The following PSMB3 variants were observed in gnomAD, a reference collection of about 807,000 sequenced individuals.
PSMB3 encodes the protein proteasome subunit beta type-3.
A neutral mutation model predicts 23.3 loss-of-function variants in PSMB3; 5 were observed. The ratio of observed to expected loss-of-function variants is 0.21; its 90% CI spans 0.11 to 0.45. The LOEUF is 0.45. Among genes scored for constraint, PSMB3 ranks in the 20% least tolerant of loss-of-function variants. The probability of loss-of-function intolerance (pLI) is 0.99; values close to 1 mark genes in which losing one functional copy is unlikely to be tolerated. For missense variants in PSMB3, 192 were observed against 277.9 expected, an observed-to-expected ratio of 0.69 and a Z score of 2.20; for synonymous variants, 85 against 99.8, an observed-to-expected ratio of 0.85 and a Z score of 0.88.
At chr17:38,756,795 ATC>A (rs1908217082) in intron 3 of PSMB3, among the ~76,000 whole-genome samples, 1 of 151,024 alleles carries the variant, frequency 6.6e-6, no homozygotes, top group Non-Finnish European at 1.5e-5. Context: ...GCCTGGCCTG[ATC>A]TCTTTTTTTT....
intron 2 of PSMB3, among the ~76,000 whole-genome samples, chr17:38,755,606 G>A (rs946166155): frequency 1.4e-5 from 2 of 146,458 alleles, no homozygotes; most frequent in East Asian, 2.0e-4. Flanking sequence ...GACTGACTGC[G>A]CCACTGCACT....
Position 38,762,477 on chromosome 17 carries a change from T to G in PSMB3, c.541T>G (p.Ser181Ala), listed in dbSNP as rs748615764. Residue 181 changes from serine to alanine, a missense_variant, in exon 5 of 6, where the codon TCA becomes GCA. Transcript: ENST00000619426. ...MLNAVDRDAVSGMGVIVHIIE... is the reference protein window; with the variant it reads ...MLNAVDRDAVAGMGVIVHIIE... ...GAATGCTGTGGACCGGGATGCAGTG[T>G]CAGGCATGGGAGTCATTGTCCACAT... is the stretch of plus-strand genomic sequence containing the variant. 2 of 1,614,190 alleles carry G rather than the reference T, an allele frequency of 1.2e-6. No individual in the cohort carries two copies. Among genetic ancestry groups the G allele is most frequent in the Admixed American group, 3.3e-5 (2 of 60,014 alleles).
intron 3 of PSMB3, among the ~76,000 whole-genome samples, chr17:38,758,164 A>G (rs916705330): frequency 1.3e-5 from 2 of 152,168 alleles, no homozygotes; most frequent in Non-Finnish European, 2.9e-5. Context: ...GACATTGCTC[A>G]GGTTTGCAGT....
In PSMB3 at chr17:38,760,464, C is replaced by T. The variant is rs752478547; in HGVS notation, c.330C>T (p.Ala110=). 1.5e-5 allele frequency: 25 copies of T among 1,614,072 alleles called. No homozygotes were observed. The East Asian group carries it at 1.8e-4, about 12-fold the overall frequency. The change falls in exon 4 of 6, where the codon GCC becomes GCT. Residue 110 remains alanine, a synonymous_variant. Coordinates refer to ENST00000619426, the MANE Select transcript of PSMB3 (RefSeq NM_002795.4). ...FGPYYTEPVI[A]GLDPKTFKPF... is the part of the protein sequence containing the mutation. ...CTTACTACACTGAGCCAGTCATTGC[C>T]GGGTTGGACCCGAAGACCTTTAAGC...
At chr17:38,760,644 G>A (rs1908396456) in intron 4 of PSMB3, 36 bp downstream of exon 4, 8 of 1,612,398 alleles carry the variant, frequency 5.0e-6, no homozygotes, top group Non-Finnish European at 5.1e-6. Flanking sequence ...TGGGCTCTGA[G>A]TTACCCACCC....
At chr17:38,757,034 ATTTTTT>A (rs35172699) in intron 3 of PSMB3, among the ~76,000 whole-genome samples, 2 of 65,690 alleles carry the variant, frequency 3.0e-5, no homozygotes, top group African/African-American at 1.3e-4. Flanking sequence ...CACCTGGCTA[ATTTTTT>A]TTTTTTTTTT....
chr17:38,753,378 A>C, intron 2 of PSMB3, 44 bp downstream of exon 2: 1 of 1,583,622 alleles, frequency 6.3e-7, no homozygotes, highest in Non-Finnish European at 8.6e-7. Context: ...CTCTTCTTGG[A>C]CCATCCAACC....
intron 5 of PSMB3, 96 bp downstream of exon 5, chr17:38,762,601 C>CAGGTGTGAGATAAGAA: frequency 8.3e-7 from 1 of 1,210,668 alleles, no homozygotes; most frequent in South Asian, 1.3e-5. Context: ...GCCCCCTGGT[C>CAGGTGTGAGATAAGAA]AGGTGTGAGA....
Position 38,753,171 on chromosome 17 carries a change from G to A in PSMB3, c.25G>A (p.Gly9Arg). Residue 9 changes from glycine (G) to arginine (R), a missense_variant, in exon 2 of 6, where the codon GGG (glycine) becomes AGG (arginine). Coordinates refer to ENST00000619426, the MANE Select transcript of PSMB3 (RefSeq NM_002795.4). ...CTAGTCTATTATGTCCTATAACGGAGGGGCCGTCATGGCCATGAAGGGGAA... is the reference window on the plus strand; with the variant it reads ...CTAGTCTATTATGTCCTATAACGGAAGGGCCGTCATGGCCATGAAGGGGAA... MSIMSYNG[G>R]AVMAMKGKNC... The A allele has an allele frequency of 6.2e-7, 1 of 1,614,168 alleles. No homozygotes were observed.
intron 2 of PSMB3, among the ~76,000 whole-genome samples, chr17:38,753,906 G>A (rs1179336920): frequency 6.6e-6 from 1 of 152,224 alleles, no homozygotes; most frequent in African/African-American, 2.4e-5. Context: ...AAATCTATGG[G>A]AGCAGATTCT....
At chr17:38,753,699 G>T (rs1045736561) in intron 2 of PSMB3, among the ~76,000 whole-genome samples, 1 of 152,062 alleles carries the variant, frequency 6.6e-6, no homozygotes, top group African/African-American at 2.4e-5. Context: ...GGCTAGTTTC[G>T]AACTCCTGAC....
chr17:38,753,456 G>A lies in PSMB3; in HGVS notation c.188+122G>A, dbSNP rs116845025. The A allele has an allele frequency of 1.3e-3, 1,303 of 1,032,280 alleles. 24 individuals carry two copies. The East Asian group carries it at 0.032, about 25-fold the overall frequency. The allele number at this position is 1,032,280 out of a possible 1,614,324, so 63.9% of individuals were successfully genotyped here. The stretch of plus-strand genomic sequence containing the variant: ...CCACCAGTGAGTTTGAGACTTTGCC[G>A]CCTCCAAAAAACATGTCCTTCCCTT... On this transcript the variant is annotated intron_variant, in intron 2 of 5. Coordinates refer to ENST00000619426, the MANE Select transcript of PSMB3 (RefSeq NM_002795.4).
At position 38,762,161 on chromosome 17, in the gene PSMB3, C is replaced by T; in HGVS notation, c.475-250C>T. ...CAGTGAAGAGAGACATACTATTTGCCCAATGTCACACTGCTGATTAGTAAA... is the reference window on the plus strand; with the variant it reads ...CAGTGAAGAGAGACATACTATTTGCTCAATGTCACACTGCTGATTAGTAAA... On this transcript the variant is annotated intron_variant, in intron 4 of 5. Coordinates refer to ENST00000619426, the MANE Select transcript of PSMB3 (RefSeq NM_002795.4). 6.2e-6 allele frequency: 3 copies of T among 484,060 alleles called. No homozygotes were observed. In the South Asian group the frequency reaches 9.9e-5, roughly 16 times the overall value. 30.0% of individuals were successfully genotyped at this position (484,060 alleles called of 1,614,324 possible). A position where few individuals can be genotyped will look rare whatever the true frequency, so the allele number is the denominator to read the frequency against.
intron 3 of PSMB3, 134 bp from the exon 4 acceptor site, chr17:38,760,297 A>T (rs1415070870): frequency 1.1e-6 from 1 of 886,466 alleles, no homozygotes; most frequent in African/African-American, 1.7e-5. Flanking sequence ...CCTCAGGGAA[A>T]GGTGATCTTC....
intron 2 of PSMB3, among the ~76,000 whole-genome samples, chr17:38,754,839 G>T (rs610022): frequency 0.31 from 47,540 of 151,970 alleles, 8,168 homozygotes; most frequent in East Asian, 0.64. Flanking sequence ...TCCTCCAGCA[G>T]GTGTGGCATT....
At chr17:38,755,715 T>TGTGTGTGCGC (rs142685157) in intron 2 of PSMB3, among the ~76,000 whole-genome samples, 168 bp from the exon 3 acceptor site, 18 of 138,480 alleles carry the variant, frequency 1.3e-4, no homozygotes, top group Admixed American at 6.7e-4. Context: ...TGTGTGTGTG[T>TGTGTGTGCGC]GCTGCCAAAG....
chr17:38,761,348 CAAA>C (rs1236248256), intron 4 of PSMB3, among the ~76,000 whole-genome samples: 3 of 88,210 alleles, frequency 3.4e-5, no homozygotes, highest in Admixed American at 2.4e-4. Context: ...AACTCCGTCT[CAAA>C]AAAAAAAAAA....
intron 3 of PSMB3, 81 bp from the exon 4 acceptor site, chr17:38,760,350 G>A (rs547482725): frequency 1.2e-5 from 18 of 1,495,954 alleles, no homozygotes; most frequent in African/African-American, 2.8e-5. Context: ...GGTCTAGGCC[G>A]GGGCCTTGTC....
chr17:38,760,666 GA>G, intron 4 of PSMB3, 58 bp downstream of exon 4: 1 of 1,591,388 alleles, frequency 6.3e-7, no homozygotes, highest in Non-Finnish European at 8.6e-7. Context: ...TGGTCATTAG[GA>G]AAAAAGTGTG....
Sources: allele counts gnomAD v4.1 joint callset (sites outside exome capture counted in the v4.1 genomes callset), GRCh38; gene constraint gnomAD v4.1.1; transcripts MANE v1.5; gene names NCBI Gene and HGNC (gene_info 2026-07-23, HGNC 2026-07-21).